Variants in CCDC15 observed in about 807,000 individuals in gnomAD.
CCDC15 encodes coiled-coil domain-containing protein 15.
A neutral mutation model predicts 114.5 loss-of-function variants in CCDC15; 105 were observed. The observed-to-expected ratio is 0.92, with a 90% CI of 0.78 to 1.08. CCDC15 has a LOEUF of 1.08. CCDC15 is among the 50% of genes least tolerant of loss of function. CCDC15 has a pLI of 0.00. For missense variants in CCDC15, 1,105 were observed against 1,093.6 expected (o/e 1.01, Z -0.15); for synonymous variants, 334 against 377.8 (o/e 0.88, Z 1.34).
intron 6 of CCDC15, 30 bp from the exon 7 acceptor site, chr11:124,986,712 C>CGT: frequency 7.0e-7 from 1 of 1,438,802 alleles, no homozygotes; most frequent in Non-Finnish European, 9.3e-7. Flanking sequence ...CGCGCGCGCG[C>CGT]GTGCGCGTTT....
chr11:125,035,204 G>A (rs1343848370), intron 13 of CCDC15, among the ~76,000 whole-genome samples: 1 of 152,128 alleles, frequency 6.6e-6, no homozygotes, highest in Non-Finnish European at 1.5e-5. Context: ...TTAAGGGTGG[G>A]TCTGCCTTTT....
At chr11:124,960,135 CTTTTTT>C in intron 4 of CCDC15, 132 bp downstream of exon 4, 1 of 435,038 alleles carries the variant, frequency 2.3e-6, no homozygotes, top group Non-Finnish European at 3.8e-6. Context: ...AATCATCCCC[CTTTTTT>C]TTTTTTTTTA....
chr11:124,960,704 A>G (rs1335915222), intron 4 of CCDC15, among the ~76,000 whole-genome samples: 1 of 152,172 alleles, frequency 6.6e-6, no homozygotes, highest in Non-Finnish European at 1.5e-5. Flanking sequence ...TATATACCTA[A>G]TATTTAAAAA....
chr11:125,017,601 A>G (rs1051275201), intron 13 of CCDC15, among the ~76,000 whole-genome samples: 14 of 152,154 alleles, frequency 9.2e-5, no homozygotes, highest in African/African-American at 4.8e-5. Flanking sequence ...ACTGGTTTAT[A>G]TATTTACTAT....
intron 2 of CCDC15, among the ~76,000 whole-genome samples, chr11:124,957,762 T>G (rs1947576103): frequency 6.6e-6 from 1 of 152,208 alleles, no homozygotes; most frequent in African/African-American, 2.4e-5. Context: ...AAATTTTAAC[T>G]TAAATTGAAA....
chr11:124,966,714 T>G (rs1485829253), intron 4 of CCDC15, among the ~76,000 whole-genome samples: 3 of 152,254 alleles, frequency 2.0e-5, no homozygotes, highest in Non-Finnish European at 4.4e-5. Flanking sequence ...TTCCCATTAG[T>G]TGATGCAGTT....
intron 5 of CCDC15, among the ~76,000 whole-genome samples, chr11:124,976,530 A>C (rs902628064): frequency 6.6e-6 from 1 of 152,012 alleles, no homozygotes; most frequent in African/African-American, 2.4e-5. Flanking sequence ...GACAGTTTTC[A>C]TACCTATCGT....
chr11:124,960,744 C>T (rs1346265614), intron 4 of CCDC15, among the ~76,000 whole-genome samples: 1 of 152,114 alleles, frequency 6.6e-6, no homozygotes, highest in Admixed American at 6.5e-5. Context: ...TTCATCCATT[C>T]ACATTGCTTG....
At chr11:125,026,896 C>G (rs1050860107) in intron 13 of CCDC15, among the ~76,000 whole-genome samples, 1 of 152,154 alleles carries the variant, frequency 6.6e-6, no homozygotes, top group African/African-American at 2.4e-5. Context: ...CCTTCCCACT[C>G]TTCCCCCAAA....
intron 12 of CCDC15, among the ~76,000 whole-genome samples, chr11:125,004,194 A>G (rs1330267741): frequency 6.6e-6 from 1 of 152,026 alleles, no homozygotes; most frequent in Admixed American, 6.6e-5. Context: ...AAATTTCTCC[A>G]GCTAATGTAT....
intron 13 of CCDC15, among the ~76,000 whole-genome samples, chr11:125,024,913 G>A (rs1948685103): frequency 6.7e-6 from 1 of 150,356 alleles, no homozygotes; most frequent in Non-Finnish European, 1.5e-5. Flanking sequence ...TTTCATACAT[G>A]CCCTTTATCA....
chr11:124,963,902 C>T (rs1947719155), intron 4 of CCDC15, among the ~76,000 whole-genome samples: 1 of 152,158 alleles, frequency 6.6e-6, no homozygotes, highest in African/African-American at 2.4e-5. Flanking sequence ...ATAGGGAATC[C>T]TTTCCCCATT....
intron 11 of CCDC15, among the ~76,000 whole-genome samples, chr11:125,003,032 A>G (rs1340048192): frequency 6.6e-6 from 1 of 151,994 alleles, no homozygotes; most frequent in Non-Finnish European, 1.5e-5. Context: ...TAAACATGGG[A>G]TGTCTTTCCA....
At chr11:125,005,831 T>C (rs1429243873) in intron 13 of CCDC15, among the ~76,000 whole-genome samples, 1 of 152,146 alleles carries the variant, frequency 6.6e-6, no homozygotes, top group Non-Finnish European at 1.5e-5. Flanking sequence ...CCTTTTTAGA[T>C]TGGCTTTTTA....
At chr11:124,998,223 A>G (rs1948408511) in intron 11 of CCDC15, among the ~76,000 whole-genome samples, 1 of 152,228 alleles carries the variant, frequency 6.6e-6, no homozygotes, top group African/African-American at 2.4e-5. Flanking sequence ...TGGACTAGAA[A>G]TTATTCAGGC....
chr11:124,971,396 G>A (rs889135445), intron 4 of CCDC15, among the ~76,000 whole-genome samples: 3 of 152,124 alleles, frequency 2.0e-5, no homozygotes, highest in African/African-American at 7.2e-5. Context: ...ACAGCTCCTC[G>A]CCAGCAACAG....
intron 13 of CCDC15, among the ~76,000 whole-genome samples, chr11:125,027,395 A>C (rs1330156390): frequency 6.6e-6 from 1 of 152,038 alleles, no homozygotes; most frequent in East Asian, 1.9e-4. Context: ...CCATGCCAAC[A>C]TCTATTATTT....
At chr11:124,959,340 CAG>C in intron 3 of CCDC15, 76 bp downstream of exon 3, 1 of 1,257,630 alleles carries the variant, frequency 8.0e-7, no homozygotes, top group Non-Finnish European at 1.1e-6. Flanking sequence ...TAGGCAGTAA[CAG>C]AATTGCTTTC....
chr11:125,025,096 GAATATATA>G, intron 13 of CCDC15, among the ~76,000 whole-genome samples: 1 of 126,688 alleles, frequency 7.9e-6, no homozygotes, highest in African/African-American at 3.5e-5. Context: ...ATATATATAT[GAATATATA>G]TGAATATATG....
Sources: allele counts gnomAD v4.1 joint callset (sites outside exome capture counted in the v4.1 genomes callset), GRCh38; gene constraint gnomAD v4.1.1; transcripts MANE v1.5; gene names NCBI Gene and HGNC (gene_info 2026-07-23, HGNC 2026-07-21).